Variants in VWA3B observed in about 807,000 individuals in gnomAD.
VWA3B encodes the protein von Willebrand factor A domain-containing protein 3B.
VWA3B carries 138 observed loss-of-function variants against 158.3 expected under a neutral mutation model. The ratio of observed to expected loss-of-function variants is 0.87; its 90% CI spans 0.76 to 1.00. The LOEUF (loss-of-function observed/expected upper bound fraction) is 1.00, where lower values mean the gene tolerates loss of function less well. Ranked by LOEUF, VWA3B falls within the 50% of genes least tolerant of loss-of-function variation. VWA3B has a pLI of 0.00. For synonymous variants in VWA3B, 596 were observed against 587.3 expected (o/e 1.01, Z -0.21); for missense variants, 1,555 against 1,565.1 (o/e 0.99, Z 0.11).
intron 7 of VWA3B, among the ~76,000 whole-genome samples, chr2:98,160,188 A>G (rs1360876098): frequency 6.6e-6 from 1 of 152,080 alleles, no homozygotes; most frequent in Non-Finnish European, 1.5e-5. Context: ...TGAGATCCCA[A>G]CTAAGTCCTT....
chr2:98,265,059 A>ATACTT (rs948153955), intron 21 of VWA3B, among the ~76,000 whole-genome samples: 1 of 151,818 alleles, frequency 6.6e-6, no homozygotes, highest in African/African-American at 2.4e-5. Flanking sequence ...TTTTATTATT[A>ATACTT]TACTTTAAGT....
Position 98,128,354 on chromosome 2 carries a change from G to T in VWA3B, c.818G>T (p.Arg273Ile). 1 of 1,614,100 alleles carries T rather than the reference G, an allele frequency of 6.2e-7. No homozygotes were observed. The highest frequency in any genetic ancestry group is 1.1e-5 in the South Asian group (1 of 91,068). The change falls in exon 6 of 28, where the codon AGA becomes ATA. Residue 273 changes from arginine (R) to isoleucine (I), a missense_variant. Arg to Ile is a moderately conservative substitution (Grantham distance 97). Coordinates refer to ENST00000477737, the MANE Select transcript of VWA3B (RefSeq NM_144992.5). ...GTCTACACAGTGTCCTTCAACGCCAGAGGAGAAGGCACTATAGCTTTTCTA... is the reference window on the plus strand; with the variant it reads ...GTCTACACAGTGTCCTTCAACGCCATAGGAGAAGGCACTATAGCTTTTCTA... ...CPVYTVSFNA[R>I]GEGTIAFLKD...
At chr2:98,293,730 A>T (rs1689629357) in intron 23 of VWA3B, among the ~76,000 whole-genome samples, 1 of 152,196 alleles carries the variant, frequency 6.6e-6, no homozygotes, top group Non-Finnish European at 1.5e-5. Flanking sequence ...GATTAAGAGT[A>T]AGAATAATCT....
intron 17 of VWA3B, among the ~76,000 whole-genome samples, chr2:98,235,942 G>A (rs1685648742): frequency 1.3e-5 from 2 of 152,092 alleles, no homozygotes; most frequent in Admixed American, 6.5e-5. Flanking sequence ...TTGAAAATTT[G>A]AACTTACAAC....
chr2:98,211,099 A>T (rs1006820027), intron 12 of VWA3B, among the ~76,000 whole-genome samples: 3 of 152,184 alleles, frequency 2.0e-5, no homozygotes, highest in African/African-American at 7.2e-5. Flanking sequence ...CTCGTTCCTG[A>T]TGAGAGGTCC....
chr2:98,311,448 C>G (rs973956263), intron 26 of VWA3B, among the ~76,000 whole-genome samples: 1 of 152,202 alleles, frequency 6.6e-6, no homozygotes, highest in Non-Finnish European at 1.5e-5. Context: ...TGTACAAGCT[C>G]CAATACAGGG....
intron 22 of VWA3B, among the ~76,000 whole-genome samples, chr2:98,282,432 CTTTTTTTTTT>C (rs759230723): frequency 1.6e-5 from 2 of 124,904 alleles, no homozygotes; most frequent in Non-Finnish European, 3.3e-5. Flanking sequence ...ACATGAATTA[CTTTTTTTTTT>C]TTTTTTTTTT....
At position 98,149,195 on chromosome 2, in the gene VWA3B, CT is replaced by C. The variant is rs542865034; in HGVS notation, c.989-13651del. On this transcript the variant is annotated intron_variant, in intron 7 of 27. Coordinates refer to ENST00000477737, the MANE Select transcript of VWA3B (RefSeq NM_144992.5). Reference sequence around the variant, plus strand: ...CAGCAGTTTGCTTACTGCAGCTTTGCTTTTTGGTGTATTAAAGCCTTAAACA... The same window carrying C: ...CAGCAGTTTGCTTACTGCAGCTTTGCTTTTGGTGTATTAAAGCCTTAAACA... 3.4e-3 allele frequency among the ~76,000 whole-genome samples: 524 copies of C among 152,300 alleles called. 7 individuals are homozygous for C. Among genetic ancestry groups the C allele is most frequent in the African/African-American group, 0.012 (478 of 41,556 alleles).
intron 2 of VWA3B, among the ~76,000 whole-genome samples, chr2:98,104,053 T>C (rs1683257773): frequency 1.3e-5 from 2 of 152,210 alleles, no homozygotes; most frequent in South Asian, 4.1e-4. Context: ...TTACATGGTG[T>C]ATGTGTTTAT....
chr2:98,194,542 T>G lies in VWA3B; in HGVS notation c.1737+50T>G, dbSNP rs372788958. On this transcript the variant is annotated intron_variant, in intron 12 of 27. Transcript: ENST00000477737. ...AAGCATCCTAGGAGTCTCTCACCTG[T>G]GTACTGAGTTCATTCACAGGACAGA... The G allele has an allele frequency of 2.1e-5, 34 of 1,590,238 alleles. 1 individual carries two copies. In the African/African-American group the frequency reaches 3.2e-4, roughly 15 times the overall value.
At chr2:98,275,850 A>C (rs975761072) in intron 22 of VWA3B, among the ~76,000 whole-genome samples, 1 of 152,202 alleles carries the variant, frequency 6.6e-6, no homozygotes, top group Non-Finnish European at 1.5e-5. Context: ...CAGTGGGTAG[A>C]AGGGTGGGTA....
intron 22 of VWA3B, among the ~76,000 whole-genome samples, chr2:98,274,297 G>A (rs1462195300): frequency 1.3e-5 from 2 of 152,226 alleles, no homozygotes; most frequent in East Asian, 3.8e-4. Context: ...GGCACTGACA[G>A]TGAAGCCCAG....
At chr2:98,266,048 A>T (rs1246139626) in intron 21 of VWA3B, among the ~76,000 whole-genome samples, 18 of 148,982 alleles carry the variant, frequency 1.2e-4, no homozygotes, top group Admixed American at 3.3e-4. Context: ...CTTTAGTTTA[A>T]TTAGATCCCA....
rs559770568 is a variant in VWA3B at position 98,099,184 on chromosome 2, G to A, written c.196+5896G>A. 7.9e-5 allele frequency: 12 copies of A among 152,198 alleles called. No individual in the cohort carries two copies. In the East Asian group the frequency reaches 9.6e-4, roughly 12 times the overall value. The allele number at this position is 152,198 out of a possible 1,614,324, so 9.4% of individuals were successfully genotyped here. On this transcript the variant is annotated intron_variant, in intron 2 of 27. Coordinates refer to ENST00000477737, the MANE Select transcript of VWA3B (RefSeq NM_144992.5). Reference sequence around the variant, plus strand: ...GTACTTAGTGAGTTTTATACTTTTAGATGTTTTTGTGTTACTCATTAGTGT... The same window carrying A: ...GTACTTAGTGAGTTTTATACTTTTAAATGTTTTTGTGTTACTCATTAGTGT...
intron 21 of VWA3B, among the ~76,000 whole-genome samples, chr2:98,266,831 G>T (rs1276938886): frequency 2.7e-5 from 4 of 146,084 alleles, no homozygotes; most frequent in African/African-American, 2.5e-5. Flanking sequence ...GTTCACTCAT[G>T]ATTTGGCTCT....
intron 2 of VWA3B, among the ~76,000 whole-genome samples, chr2:98,103,025 T>C (rs755494749): frequency 3.3e-5 from 5 of 152,352 alleles, no homozygotes; most frequent in Non-Finnish European, 5.9e-5. Context: ...TTTTCTAATA[T>C]GTTGGCAAAG....
At chr2:98,314,314 G>A (rs1460266243), downstream of VWA3B, among the ~76,000 whole-genome samples, 2 of 151,644 alleles carry the variant, frequency 1.3e-5, no homozygotes, top group Non-Finnish European at 3.0e-5. Flanking sequence ...GCTAATAAGT[G>A]CATGGCTGTG....
chr2:98,187,864 T>G, intron 9 of VWA3B, 111 bp from the exon 10 acceptor site: 1 of 1,112,618 alleles, frequency 9.0e-7, no homozygotes, highest in South Asian at 2.0e-5. Context: ...TGATTGACGG[T>G]AGAGTGGAGT....
At chr2:98,140,042 G>A (rs553884724) in intron 7 of VWA3B, among the ~76,000 whole-genome samples, 33 of 152,154 alleles carry the variant, frequency 2.2e-4, no homozygotes, top group South Asian at 1.5e-3. Flanking sequence ...CTTAAGAGCT[G>A]TAACACTCAC....
Sources: allele counts gnomAD v4.1 joint callset (sites outside exome capture counted in the v4.1 genomes callset), GRCh38; gene constraint gnomAD v4.1.1; transcripts MANE v1.5; gene names NCBI Gene and HGNC (gene_info 2026-07-23, HGNC 2026-07-21).